The following CCDC124 variants were observed in gnomAD, a reference collection of about 807,000 sequenced individuals.
The protein encoded by CCDC124 is coiled-coil domain-containing protein 124.
In CCDC124, 9 loss-of-function variants were observed where a neutral mutation model predicts 19.8. That is an observed-to-expected ratio of 0.45 (90% confidence interval 0.27 to 0.79). CCDC124 has a LOEUF of 0.79. CCDC124 is among the 30% of genes least tolerant of loss of function. The pLI is 0.14. For synonymous variants in CCDC124, 126 were observed against 131.3 expected, an observed-to-expected ratio of 0.96 and a Z score of 0.27; for missense variants, 285 against 319.0, an observed-to-expected ratio of 0.89 and a Z score of 0.81.
intron 3 of CCDC124, among the ~76,000 whole-genome samples, 177 bp from the exon 4 acceptor site, chr19:17,943,084 G>T (rs556027857): frequency 7.9e-5 from 12 of 152,276 alleles, no homozygotes. Flanking sequence ...ACTGGGCGCC[G>T]GGAGGGTGGG....
chr19:17,938,947 A>G (rs2031117700), intron 2 of CCDC124, among the ~76,000 whole-genome samples: 1 of 152,070 alleles, frequency 6.6e-6, no homozygotes, highest in African/African-American at 2.4e-5. Flanking sequence ...TTTAGCACAC[A>G]TTCAATGTCC....
At position 17,943,304 on chromosome 19, in the gene CCDC124, C is replaced by T. The variant is rs1034073037; in HGVS notation, c.393C>T (p.Asn131=). 1.5e-5 allele frequency: 20 copies of T among 1,353,146 alleles called. No individual in the cohort carries two copies. The highest frequency in any genetic ancestry group is 1.4e-4 in the Admixed American group (6 of 44,064). 83.8% of individuals were successfully genotyped at this position (1,353,146 alleles called of 1,614,324 possible). A position where few individuals can be genotyped will look rare whatever the true frequency, so the allele number is the denominator to read the frequency against. ...ATCTGGAGGTGCCGCTGGAGGAGAA[C>T]GTGAACCGCCGCGTGCTGGAGGAGG... ...KSHLEVPLEE[N]VNRRVLEEGS... Residue 131 remains asparagine, a synonymous_variant, in exon 4 of 5, where the codon AAC becomes AAT. Transcript: ENST00000445755.
In CCDC124 at chr19:17,942,461, C is replaced by G. The variant is rs191045495; in HGVS notation, c.160-195C>G. 8.2e-3 allele frequency among the ~76,000 whole-genome samples: 1,244 copies of G among 152,348 alleles called. 7 individuals carry two copies. Among genetic ancestry groups the G allele is most frequent in the Non-Finnish European group, 0.014 (948 of 68,032 alleles). ...CTTCTTCAAGAGCCACCCACCCGCC[C>G]TGTCCAAGGTTCCCCTGTTGGCCTC... On this transcript the variant is annotated intron_variant, in intron 2 of 4. Coordinates refer to ENST00000445755, the MANE Select transcript of CCDC124 (RefSeq NM_001136203.2). This position sits in a 1 kb window ranked among gnomAD's most constrained non-coding sequence, Gnocchi z 4.2.
Position 17,943,508 on chromosome 19 carries a change from C to T in CCDC124, c.465C>T (p.Ser155=). The change falls in exon 5 of 5, where the codon AGC becomes AGT. Residue 155 remains serine (S), a splice_region_variant and synonymous_variant. Transcript: ENST00000445755. ...CCCTGACGCTCATGTCCACCCCCAG[C>T]GTGGCGGAGGAGGCGGCCGACCGGC... ...RTIEDAIAVL[S]VAEEAADRHP... 2 of 1,610,086 alleles carry T rather than the reference C, an allele frequency of 1.2e-6. No individual in the cohort carries two copies. The highest frequency in any genetic ancestry group is 2.2e-5 in the East Asian group (1 of 44,858).
At chr19:17,939,057 A>G (rs2031120083) in intron 2 of CCDC124, among the ~76,000 whole-genome samples, 2 of 151,996 alleles carry the variant, frequency 1.3e-5, no homozygotes, top group Admixed American at 6.6e-5. Context: ...TTTTGACACT[A>G]TAGGAAAGTT....
At position 17,942,767 on chromosome 19, in the gene CCDC124, A is replaced by T. The variant is rs1201615534; in HGVS notation, c.271A>T (p.Thr91Ser). ...GGGCGGCAAGGCGCCGCGGGTGGCCACGTCCAGCAAGGTCACCCGGGCCCA... is the reference window on the plus strand; with the variant it reads ...GGGCGGCAAGGCGCCGCGGGTGGCCTCGTCCAGCAAGGTCACCCGGGCCCA... ...LKGGKAPRVA[T>S]SSKVTRAQIE... is the part of the protein sequence containing the mutation. The change falls in exon 3 of 5, where the codon ACG becomes TCG. Residue 91 changes from threonine (T) to serine (S), a missense_variant. Physicochemically the swap from Thr to Ser is moderately conservative, Grantham distance 58 (BLOSUM62 1). Coordinates refer to ENST00000445755, the MANE Select transcript of CCDC124 (RefSeq NM_001136203.2). This position sits in a 1 kb window ranked among gnomAD's most constrained non-coding sequence, Gnocchi z 4.2. 6.5e-7 allele frequency: 1 copy of T among 1,548,082 alleles called. No homozygotes were observed. The highest frequency in any genetic ancestry group is 2.0e-5 in the Admixed American group (1 of 50,798).
chr19:17,941,200 A>G (rs2031172521), intron 2 of CCDC124, among the ~76,000 whole-genome samples: 1 of 151,738 alleles, frequency 6.6e-6, no homozygotes, highest in African/African-American at 2.4e-5. Context: ...CACCAGTGAT[A>G]CCTCTCCTCA....
chr19:17,943,913 T>G lies in CCDC124; in HGVS notation c.*198T>G. The G allele has an allele frequency of 3.3e-6, 2 of 597,458 alleles. No homozygotes were observed. The highest frequency in any genetic ancestry group is 3.0e-6 in the Non-Finnish European group (1 of 337,348). 37.0% of individuals were successfully genotyped at this position (597,458 alleles called of 1,614,324 possible). ...CCGAGTGACACCCCATCCCCTCCCA[T>G]CCCCCGGCGCGTGTGTGTAGAGCCT... is the stretch of plus-strand genomic sequence containing the variant. On this transcript the variant is annotated 3_prime_UTR_variant, in exon 5 of 5. Transcript: ENST00000445755.
chr19:17,940,764 A>G (rs1045535183), intron 2 of CCDC124, among the ~76,000 whole-genome samples: 5 of 146,888 alleles, frequency 3.4e-5, no homozygotes, highest in Admixed American at 6.8e-5. Flanking sequence ...AAAAAAAAAA[A>G]GGGCCGGGCG....
Position 17,942,966 on chromosome 19 carries a change from G to A in CCDC124, c.349+121G>A. ...GCCGGGGCTCCACGTGGTGCAGGGT[G>A]GGTGGGTAGGCCGCCTCCTGGTAGG... On this transcript the variant is annotated intron_variant, in intron 3 of 4. Coordinates refer to ENST00000445755, the MANE Select transcript of CCDC124 (RefSeq NM_001136203.2). The surrounding 1 kb of genome is among the most constrained non-coding windows in gnomAD (Gnocchi z 4.2). 1 of 1,235,052 alleles carries A rather than the reference G, an allele frequency of 8.1e-7. No individual in the cohort carries two copies. Among genetic ancestry groups the A allele is most frequent in the Non-Finnish European group, 1.1e-6 (1 of 913,340 alleles). The allele number at this position is 1,235,052 out of a possible 1,614,324, so 76.5% of individuals were successfully genotyped here. A position where few individuals can be genotyped will look rare whatever the true frequency, so the allele number is the denominator to read the frequency against.
intron 2 of CCDC124, among the ~76,000 whole-genome samples, chr19:17,940,282 C>T (rs984232119): frequency 2.0e-5 from 3 of 152,094 alleles, no homozygotes; most frequent in African/African-American, 7.2e-5. Flanking sequence ...AAGCATGTAC[C>T]TCTGAGCACA....
intron 1 of CCDC124, among the ~76,000 whole-genome samples, chr19:17,934,556 C>T (rs538590661): frequency 6.8e-6 from 1 of 147,710 alleles, no homozygotes; most frequent in Admixed American, 6.9e-5. Context: ...AAGGCCGAGG[C>T]GGGAGGATCA....
chr19:17,940,521 C>G (rs1403677922), intron 2 of CCDC124, among the ~76,000 whole-genome samples: 1 of 151,622 alleles, frequency 6.6e-6, no homozygotes, highest in African/African-American at 2.4e-5. Context: ...AATCCCAACA[C>G]TTTGGGAGGT....
intron 2 of CCDC124, among the ~76,000 whole-genome samples, chr19:17,938,098 G>A (rs1176533837): frequency 6.6e-6 from 1 of 152,184 alleles, no homozygotes; most frequent in Non-Finnish European, 1.5e-5. Flanking sequence ...TCAGTACTTT[G>A]GGAGGCTGAG....
chr19:17,938,576 A>C (rs903993174), intron 2 of CCDC124, among the ~76,000 whole-genome samples: 3 of 151,738 alleles, frequency 2.0e-5, no homozygotes, highest in African/African-American at 7.3e-5. Context: ...GGACATTCCC[A>C]CCTGTTTTAC....
In CCDC124 at chr19:17,943,978, G is replaced by T; in HGVS notation, c.*263G>T. ...CAATAAAGGTGGCGGCAAGGCTGCG[G>T]TGAGGCACTTGAAGCCTAAGTGAGT... On this transcript the variant is annotated 3_prime_UTR_variant, in exon 5 of 5. Coordinates refer to ENST00000445755, the MANE Select transcript of CCDC124 (RefSeq NM_001136203.2). The T allele has an allele frequency of 1.8e-6, 1 of 545,930 alleles. No individual in the cohort carries two copies. Among genetic ancestry groups the T allele is most frequent in the Non-Finnish European group, 3.3e-6 (1 of 303,332 alleles). 33.8% of individuals were successfully genotyped at this position (545,930 alleles called of 1,614,324 possible). A position where few individuals can be genotyped will look rare whatever the true frequency, so the allele number is the denominator to read the frequency against.
In CCDC124 at chr19:17,937,624, A is replaced by T. The variant is rs149939484; in HGVS notation, c.159+1045A>T. Reference sequence around the variant, plus strand: ...TGCACAGGACGCCCCCACAGCAAAGAATGAGCCAGCCCCAGATGTCAGCAG... The same window carrying T: ...TGCACAGGACGCCCCCACAGCAAAGTATGAGCCAGCCCCAGATGTCAGCAG... On this transcript the variant is annotated intron_variant, in intron 2 of 4. Transcript: ENST00000445755. Among the ~76,000 whole-genome samples the T allele has an allele frequency of 2.2e-3, 332 of 152,192 alleles. 4 individuals are homozygous for T. Among genetic ancestry groups the T allele is most frequent in the South Asian group, 9.3e-3 (45 of 4,820 alleles).
At chr19:17,943,405 G>C in intron 4 of CCDC124, 30 bp downstream of exon 4, 7 of 1,557,132 alleles carry the variant, frequency 4.5e-6, no homozygotes, top group Non-Finnish European at 6.1e-6. Flanking sequence ...GGCTTTCCCA[G>C]GGGTGGAGCT....
Position 17,942,867 on chromosome 19 carries a change from G to T in CCDC124, c.349+22G>T. On this transcript the variant is annotated intron_variant, in intron 3 of 4. Coordinates refer to ENST00000445755, the MANE Select transcript of CCDC124 (RefSeq NM_001136203.2). This position sits in a 1 kb window ranked among gnomAD's most constrained non-coding sequence, Gnocchi z 4.2. ...ACAGGTCGGGCGGCATCCCGCTCTG[G>T]AGCTGCACTTTTGCCCACTGCAGAG... 15 of 1,480,476 alleles carry T rather than the reference G, an allele frequency of 1.0e-5. No individual in the cohort carries two copies. Among genetic ancestry groups the T allele is most frequent in the Non-Finnish European group, 1.3e-5 (15 of 1,116,196 alleles). The allele number at this position is 1,480,476 out of a possible 1,614,324, so 91.7% of individuals were successfully genotyped here. A position where few individuals can be genotyped will look rare whatever the true frequency, so the allele number is the denominator to read the frequency against.
Sources: allele counts gnomAD v4.1 joint callset (sites outside exome capture counted in the v4.1 genomes callset), GRCh38; gene constraint gnomAD v4.1.1; non-coding constraint Gnocchi (gnomAD v3.1); transcripts MANE v1.5; gene names NCBI Gene and HGNC (gene_info 2026-07-23, HGNC 2026-07-21).